The following SPCS1 variants were observed in gnomAD, a reference collection of about 807,000 sequenced individuals.
SPCS1 encodes SPase 12 kDa subunit.
Under a neutral mutation model 16.4 loss-of-function variants are expected in SPCS1, and 10 were observed. That is an observed-to-expected ratio of 0.61 (90% confidence interval 0.38 to 1.03). SPCS1 has a LOEUF of 1.03. Among genes scored for constraint, SPCS1 ranks in the 50% least tolerant of loss-of-function variants. The pLI is 0.01. For missense variants in SPCS1, 118 were observed against 123.8 expected (o/e 0.95, Z 0.22); for synonymous variants, 47 against 42.5 (o/e 1.10, Z -0.41).
rs1025812602 is a variant in SPCS1 at position 52,710,945 on chromosome 3, T to C, written c.*3133T>C. 1 of 152,604 alleles carries C rather than the reference T, an allele frequency of 6.6e-6. No individual in the cohort carries two copies. The allele number at this position is 152,604 out of a possible 1,614,324, so 9.5% of individuals were successfully genotyped here. On this transcript the variant is annotated 3_prime_UTR_variant, in exon 4 of 4. Transcript: ENST00000619898. Reference sequence around the variant, plus strand: ...GCTATATAATCATACATTTAAAACATGGAAAGACAACTAATATCTTACAGT... The same window carrying C: ...GCTATATAATCATACATTTAAAACACGGAAAGACAACTAATATCTTACAGT...
In SPCS1 at chr3:52,706,657, A is replaced by G; in HGVS notation, c.50A>G (p.Gln17Arg). 2.5e-6 allele frequency: 4 copies of G among 1,614,040 alleles called. No homozygotes were observed. The highest frequency in any genetic ancestry group is 2.5e-6 in the Non-Finnish European group (3 of 1,179,924). Reference protein sequence around the residue: ...SLPTQMDYKGQKLAEQMFQGI... With the variant: ...SLPTQMDYKGRKLAEQMFQGI... Reference sequence around the variant, plus strand: ...GCTTCACCCCAGGATTACAAGGGCCAGAAGCTAGCTGAACAGATGTTTCAG... The same window carrying G: ...GCTTCACCCCAGGATTACAAGGGCCGGAAGCTAGCTGAACAGATGTTTCAG... The change falls in exon 2 of 4, where the codon CAG (glutamine) becomes CGG (arginine). Residue 17 changes from glutamine to arginine, a missense_variant. Transcript: ENST00000619898.
chr3:52,706,751 C>T lies in SPCS1; in HGVS notation c.97-42C>T, dbSNP rs375726434. On this transcript the variant is annotated intron_variant, in intron 2 of 3. Coordinates refer to ENST00000619898, the MANE Select transcript of SPCS1 (RefSeq NM_014041.5). ...ATCTCCGCCCCCGCCTCCCTCCCAA[C>T]CCTCAGTTTGAGTGTGTTTAATATA... is the stretch of plus-strand genomic sequence containing the variant. The T allele has an allele frequency of 1.9e-6, 3 of 1,609,030 alleles. No individual in the cohort carries two copies. In the African/African-American group the frequency reaches 4.0e-5, roughly 22 times the overall value.
At chr3:52,707,418 A>G in intron 3 of SPCS1, 1 of 311,042 alleles carries the variant, frequency 3.2e-6, no homozygotes, top group Non-Finnish European at 6.0e-6. Context: ...GGCCTCCCAG[A>G]GTGCTTGGAT....
At chr3:52,706,616 A>G (rs1553913192) in intron 1 of SPCS1, 28 bp from the exon 2 acceptor site, 2 of 1,610,024 alleles carry the variant, frequency 1.2e-6, no homozygotes, top group Non-Finnish European at 1.7e-6. Flanking sequence ...GGTGGAACCA[A>G]TTCTTTTTTT....
rs756089343 is a variant in SPCS1 at position 52,707,681 on chromosome 3, GC to G, written c.184-3del. On this transcript the variant is annotated splice_polypyrimidine_tract_variant and splice_region_variant and intron_variant, in intron 3 of 3. Transcript: ENST00000619898. ...TAATTTATGCATTTCCTCTTTTCTG[GC>G]CCAGCTGACACTTCCTCCATGGCCC... The G allele has an allele frequency of 1.2e-6, 2 of 1,610,894 alleles. No homozygotes were observed. The highest frequency in any genetic ancestry group is 1.7e-6 in the Non-Finnish European group (2 of 1,178,670).
rs765984153 is a variant in SPCS1 at position 52,707,852 on chromosome 3, T to A, written c.*40T>A. 4 of 1,612,252 alleles carry A rather than the reference T, an allele frequency of 2.5e-6. No homozygotes were observed. The highest frequency in any genetic ancestry group is 3.4e-6 in the Non-Finnish European group (4 of 1,178,962). On this transcript the variant is annotated 3_prime_UTR_variant, in exon 4 of 4. Coordinates refer to ENST00000619898, the MANE Select transcript of SPCS1 (RefSeq NM_014041.5). ...AGCACCTGCTTTTGTTTCTGTGAGA[T>A]GAGCTAAATTGCTTTCATACCCCAG...
chr3:52,706,751 C>A, intron 2 of SPCS1, 42 bp from the exon 3 acceptor site: 1 of 1,609,146 alleles, frequency 6.2e-7, no homozygotes. Flanking sequence ...TCCCTCCCAA[C>A]CCTCAGTTTG....
In SPCS1 at chr3:52,706,107, C is replaced by CA; in HGVS notation, c.-140_-139insA. On this transcript the variant is annotated 5_prime_UTR_variant, in exon 1 of 4. Transcript: ENST00000619898. Reference sequence around the variant, plus strand: ...TCGGAGACTTCCGCTTCCGGGGCCGCCGCCATCGCTCTCCCGGGCTTAGAA... The same window carrying CA: ...TCGGAGACTTCCGCTTCCGGGGCCGCACGCCATCGCTCTCCCGGGCTTAGAA... The CA allele has an allele frequency of 6.5e-7, 1 of 1,538,730 alleles. No individual in the cohort carries two copies. The highest frequency in any genetic ancestry group is 8.7e-7 in the Non-Finnish European group (1 of 1,146,658).
chr3:52,706,402 T>A (rs2154101250), intron 1 of SPCS1, 120 bp downstream of exon 1: 1 of 1,137,436 alleles, frequency 8.8e-7, no homozygotes, highest in East Asian at 2.6e-5. Flanking sequence ...CCGTCCACCC[T>A]CTTTCCCGAA....
chr3:52,706,516 C>A, intron 1 of SPCS1, 128 bp from the exon 2 acceptor site: 3 of 933,530 alleles, frequency 3.2e-6, no homozygotes, highest in Non-Finnish European at 4.9e-6. Flanking sequence ...TAATATCTTG[C>A]CCAGGCCCTT....
chr3:52,706,343 AT>A, intron 1 of SPCS1, 61 bp downstream of exon 1: 1 of 1,535,678 alleles, frequency 6.5e-7, no homozygotes, highest in East Asian at 2.3e-5. Flanking sequence ...TTCGAAGCCC[AT>A]GTTGGAGCAC....
intron 2 of SPCS1, 43 bp from the exon 3 acceptor site, chr3:52,706,750 A>G: frequency 6.2e-7 from 1 of 1,608,482 alleles, no homozygotes; most frequent in Non-Finnish European, 8.5e-7. Context: ...CTCCCTCCCA[A>G]CCCTCAGTTT....
Position 52,707,097 on chromosome 3 carries a change from C to T in SPCS1, c.183+218C>T, listed in dbSNP as rs2097345382. 4 of 551,342 alleles carry T rather than the reference C, an allele frequency of 7.3e-6. No individual in the cohort carries two copies. In the South Asian group the frequency reaches 8.6e-5, roughly 12 times the overall value. The allele number at this position is 551,342 out of a possible 1,614,324, so 34.2% of individuals were successfully genotyped here. On this transcript the variant is annotated intron_variant, in intron 3 of 3. Coordinates refer to ENST00000619898, the MANE Select transcript of SPCS1 (RefSeq NM_014041.5). ...TTATTTCCTTTGGCGGCTACTCTGG[C>T]TAATAATCTTAAGGTCAAAGCCAGC...
chr3:52,706,496 G>A (rs902024829), intron 1 of SPCS1, 148 bp from the exon 2 acceptor site: 1 of 863,046 alleles, frequency 1.2e-6, no homozygotes, highest in East Asian at 2.6e-5. Context: ...CTCCCGGGAA[G>A]CCCAGAATTT....
Position 52,710,053 on chromosome 3 carries a change from T to G in SPCS1, c.*2241T>G, listed in dbSNP as rs184140710. 6.6e-6 allele frequency: 1 copy of G among 152,208 alleles called. No individual in the cohort carries two copies. Among genetic ancestry groups the G allele is most frequent in the African/African-American group, 2.4e-5 (1 of 41,438 alleles). 9.4% of individuals were successfully genotyped at this position (152,208 alleles called of 1,614,324 possible). On this transcript the variant is annotated 3_prime_UTR_variant, in exon 4 of 4. Coordinates refer to ENST00000619898, the MANE Select transcript of SPCS1 (RefSeq NM_014041.5). The stretch of plus-strand genomic sequence containing the variant: ...TCCTGGCAGAGAACCTGGCACACAG[T>G]AAACTCTAAATAAAAATCTGTTAAG...
Position 52,709,430 on chromosome 3 carries a change from G to C in SPCS1, c.*1618G>C, listed in dbSNP as rs1264823773. 1 of 151,974 alleles carries C rather than the reference G, an allele frequency of 6.6e-6. No individual in the cohort carries two copies. Among genetic ancestry groups the C allele is most frequent in the African/African-American group, 2.4e-5 (1 of 41,376 alleles). 9.4% of individuals were successfully genotyped at this position (151,974 alleles called of 1,614,324 possible). On this transcript the variant is annotated 3_prime_UTR_variant, in exon 4 of 4. Transcript: ENST00000619898. Reference sequence around the variant, plus strand: ...TAATAAGAAAGTATGGGGGAAGTCAGGTGTGGTGGTTCATGCCTATAATCC... The same window carrying C: ...TAATAAGAAAGTATGGGGGAAGTCACGTGTGGTGGTTCATGCCTATAATCC...
intron 1 of SPCS1, 118 bp from the exon 2 acceptor site, chr3:52,706,526 T>C: frequency 2.0e-6 from 2 of 1,007,710 alleles, no homozygotes; most frequent in Non-Finnish European, 3.0e-6. Context: ...CCCAGGCCCT[T>C]AGGAGAGCGG....
In SPCS1 at chr3:52,706,219, G is replaced by A. The variant is rs1441243258; in HGVS notation, c.-28G>A. 2 of 1,579,404 alleles carry A rather than the reference G, an allele frequency of 1.3e-6. No individual in the cohort carries two copies. Among genetic ancestry groups the A allele is most frequent in the Admixed American group, 1.7e-5 (1 of 57,188 alleles). ...CCTCGCCTCGCAGCCTGCCACCCGC[G>A]CTCAGCTGCCCGCCTCCTCAGCCAG... On this transcript the variant is annotated 5_prime_UTR_variant, in exon 1 of 4. Coordinates refer to ENST00000619898, the MANE Select transcript of SPCS1 (RefSeq NM_014041.5).
chr3:52,708,595 T>C lies in SPCS1; in HGVS notation c.*783T>C, dbSNP rs2097347181. On this transcript the variant is annotated 3_prime_UTR_variant, in exon 4 of 4. Coordinates refer to ENST00000619898, the MANE Select transcript of SPCS1 (RefSeq NM_014041.5). ...AGCTATATGTGACTAGTGGCTACCA[T>C]ATAAAACATTTCCATCACAAAGTTC... is the stretch of plus-strand genomic sequence containing the variant. 2 of 152,244 alleles carry C rather than the reference T, an allele frequency of 1.3e-5. No homozygotes were observed. Among genetic ancestry groups the C allele is most frequent in the African/African-American group, 4.8e-5 (2 of 41,464 alleles). 9.4% of individuals were successfully genotyped at this position (152,244 alleles called of 1,614,324 possible).
Sources: gnomAD v4.1 joint callset for allele counts on GRCh38, gnomAD v4.1.1 for gene constraint, MANE v1.5 for transcripts, NCBI Gene and HGNC (gene_info 2026-07-23, HGNC 2026-07-21) for gene names.